Variants in SLC30A8 observed in about 807,000 individuals in gnomAD.
SLC30A8 encodes the protein solute carrier family 30 member 8, also known as proton-coupled zinc antiporter SLC30A8.
In SLC30A8, 27 loss-of-function variants were observed where a neutral mutation model predicts 36.9. The observed-to-expected ratio is 0.73, with a 90% CI of 0.54 to 1.01. SLC30A8 has a LOEUF of 1.01. Ranked by LOEUF, SLC30A8 falls within the 50% of genes least tolerant of loss-of-function variation. The pLI, the probability that SLC30A8 is intolerant of heterozygous loss-of-function variation, is 0.00. For missense variants in SLC30A8, 439 were observed against 452.0 expected (o/e 0.97, Z 0.26); for synonymous variants, 164 against 172.4 (o/e 0.95, Z 0.38).
chr8:117,010,707 G>A (rs1171365379), intron 1 of SLC30A8, among the ~76,000 whole-genome samples: 2 of 152,136 alleles, frequency 1.3e-5, no homozygotes, highest in Non-Finnish European at 2.9e-5. Flanking sequence ...ACATTTCTGT[G>A]GGTTGTAAAG....
chr8:117,034,881 C>A (rs1024772566), intron 1 of SLC30A8, among the ~76,000 whole-genome samples: 1 of 152,052 alleles, frequency 6.6e-6, no homozygotes, highest in Admixed American at 6.6e-5. Context: ...AAGAAACAGA[C>A]AGAAAGAGAG....
chr8:117,097,489 A>G (rs1167600632), intron 2 of SLC30A8, among the ~76,000 whole-genome samples: 1 of 113,606 alleles, frequency 8.8e-6, no homozygotes, highest in African/African-American at 3.4e-5. Flanking sequence ...TATTTTAAAT[A>G]TATATTATAT....
At chr8:117,023,411 C>T (rs1171716650) in intron 1 of SLC30A8, among the ~76,000 whole-genome samples, 2 of 152,184 alleles carry the variant, frequency 1.3e-5, no homozygotes, top group African/African-American at 4.8e-5. Flanking sequence ...GCTGTAAAGA[C>T]ACATGCACAC....
At chr8:117,088,665 A>T (rs1019057175) in intron 2 of SLC30A8, among the ~76,000 whole-genome samples, 1 of 152,192 alleles carries the variant, frequency 6.6e-6, no homozygotes, top group Non-Finnish European at 1.5e-5. Context: ...AAAGACAATT[A>T]AAAAATTATG....
At chr8:117,103,737 A>G (rs998103752) in intron 2 of SLC30A8, among the ~76,000 whole-genome samples, 7 of 152,134 alleles carry the variant, frequency 4.6e-5, no homozygotes, top group African/African-American at 1.7e-4. Context: ...CCTAAGTGCA[A>G]GAATTATAAG....
At chr8:116,971,074 G>A (rs79496856) in intron 1 of SLC30A8, among the ~76,000 whole-genome samples, 2,216 of 152,196 alleles carry the variant, frequency 0.015, 62 homozygotes, top group African/African-American at 0.05. Context: ...TAGCCTGGGC[G>A]AAGAGTGAGA....
chr8:117,154,846 C>T (rs1432796473), intron 3 of SLC30A8, among the ~76,000 whole-genome samples: 3 of 152,134 alleles, frequency 2.0e-5, no homozygotes, highest in Non-Finnish European at 4.4e-5. Context: ...ACTTTGGCAT[C>T]GTGGCCATGG....
intron 1 of SLC30A8, among the ~76,000 whole-genome samples, chr8:116,974,630 G>A (rs1449586114): frequency 2.0e-5 from 3 of 152,128 alleles, no homozygotes; most frequent in Non-Finnish European, 4.4e-5. Context: ...ACAGTGTGGT[G>A]ATTCCTCAAG....
chr8:117,026,500 A>G (rs1269591256), intron 1 of SLC30A8, among the ~76,000 whole-genome samples: 1 of 152,164 alleles, frequency 6.6e-6, no homozygotes, highest in African/African-American at 2.4e-5. Context: ...GCTCCCAGGA[A>G]CTGACCTCCC....
At chr8:117,004,080 C>T (rs1412725878) in intron 1 of SLC30A8, among the ~76,000 whole-genome samples, 2 of 152,184 alleles carry the variant, frequency 1.3e-5, no homozygotes, top group East Asian at 1.9e-4. Flanking sequence ...AATCTGAGCA[C>T]TAACAAAATC....
chr8:117,116,928 T>C (rs1820467613), intron 2 of SLC30A8, among the ~76,000 whole-genome samples: 1 of 152,182 alleles, frequency 6.6e-6, no homozygotes, highest in African/African-American at 2.4e-5. Flanking sequence ...TTAGAAGTCC[T>C]GAAACTACCC....
intron 4 of SLC30A8, among the ~76,000 whole-genome samples, chr8:117,158,106 C>T (rs1822595055): frequency 6.6e-6 from 1 of 152,142 alleles, no homozygotes; most frequent in Non-Finnish European, 1.5e-5. Context: ...TATATATTAC[C>T]AACTTTAATG....
At chr8:117,085,001 A>T (rs1818817842) in intron 2 of SLC30A8, among the ~76,000 whole-genome samples, 1 of 152,042 alleles carries the variant, frequency 6.6e-6, no homozygotes, top group African/African-American at 2.4e-5. Flanking sequence ...ATTTTTTTTT[A>T]AATGTTCAAA....
chr8:117,058,838 A>G (rs62510503), intron 2 of SLC30A8, among the ~76,000 whole-genome samples: 3 of 152,152 alleles, frequency 2.0e-5, no homozygotes, highest in Admixed American at 6.5e-5. Context: ...ATTCCTTTGC[A>G]TATTGTCTGT....
intron 1 of SLC30A8, among the ~76,000 whole-genome samples, chr8:116,962,098 CA>C (rs1423008859): frequency 1.3e-5 from 2 of 151,864 alleles, no homozygotes; most frequent in African/African-American, 4.8e-5. Context: ...ATAGCAACAA[CA>C]AAAAAGATAA....
Position 117,172,797 on chromosome 8 carries a change from A to G in SLC30A8, c.*116A>G, listed in dbSNP as rs1208350097. ...AGGAAGAAATTCATGTCATGGTGCA[A>G]TGCACATTTTATCTATTTATTTAGT... On this transcript the variant is annotated 3_prime_UTR_variant, in exon 8 of 8. Transcript: ENST00000456015. 4 of 1,230,888 alleles carry G rather than the reference A, an allele frequency of 3.2e-6. No individual in the cohort carries two copies. Among genetic ancestry groups the G allele is most frequent in the Admixed American group, 4.3e-5 (2 of 46,188 alleles). 76.2% of individuals were successfully genotyped at this position (1,230,888 alleles called of 1,614,324 possible).
At chr8:116,981,549 C>T (rs73312234) in intron 1 of SLC30A8, among the ~76,000 whole-genome samples, 12 of 152,280 alleles carry the variant, frequency 7.9e-5, no homozygotes, top group African/African-American at 2.4e-4. Context: ...GGTAGTTTTT[C>T]GATCCTCCCA....
chr8:116,959,694 A>C lies in SLC30A8; in HGVS notation c.-266+8575A>C, dbSNP rs59675096. On this transcript the variant is annotated intron_variant, in intron 1 of 10. Transcript: ENST00000427715. ...AGTCTACTGTTAACTATTCCCAGCT[A>C]TGGAGGCAAGATCCTTCTGAGTACT... Among the ~76,000 whole-genome samples the C allele has an allele frequency of 3.3e-4, 51 of 152,242 alleles. No homozygotes were observed. The East Asian group carries it at 9.6e-3, about 29-fold the overall frequency.
chr8:116,971,921 A>G (rs1814808251), intron 1 of SLC30A8, among the ~76,000 whole-genome samples: 1 of 152,192 alleles, frequency 6.6e-6, no homozygotes, highest in Non-Finnish European at 1.5e-5. Context: ...TTTGAATAGC[A>G]TCTCTGAAAT....
Sources: gnomAD v4.1 joint callset for allele counts (sites outside exome capture counted in the v4.1 genomes callset) on GRCh38, gnomAD v4.1.1 for gene constraint, MANE v1.5 for transcripts, NCBI Gene and HGNC (gene_info 2026-07-23, HGNC 2026-07-21) for gene names.